Variants in KCND2 observed in about 807,000 individuals in gnomAD.
KCND2 encodes potassium voltage-gated channel subfamily D member 2.
A neutral mutation model predicts 54.4 loss-of-function variants in KCND2; 16 were observed. That is an observed-to-expected ratio of 0.29 (90% confidence interval 0.20 to 0.45). The LOEUF (loss-of-function observed/expected upper bound fraction) is 0.45. Among genes scored for constraint, KCND2 ranks in the 20% least tolerant of loss-of-function variants. The pLI is 1.00. For synonymous variants in KCND2, 317 were observed against 310.7 expected, an observed-to-expected ratio of 1.02 and a Z score of -0.21; for missense variants, 486 against 824.2, an observed-to-expected ratio of 0.59 and a Z score of 5.02.
chr7:120,417,746 G>A (rs569913747), intron 1 of KCND2, among the ~76,000 whole-genome samples: 5 of 152,164 alleles, frequency 3.3e-5, no homozygotes, highest in African/African-American at 9.7e-5. Context: ...ATCATTATGG[G>A]AAGCAGAGTG....
intron 1 of KCND2, among the ~76,000 whole-genome samples, chr7:120,464,253 C>T (rs1043822790): frequency 6.6e-6 from 1 of 151,326 alleles, no homozygotes; most frequent in Non-Finnish European, 1.5e-5. Flanking sequence ...CCTACATTTC[C>T]AGAGATCCAA....
At chr7:120,723,565 T>C (rs990673712) in intron 1 of KCND2, among the ~76,000 whole-genome samples, 3 of 152,148 alleles carry the variant, frequency 2.0e-5, no homozygotes, top group African/African-American at 7.2e-5. Flanking sequence ...TTTAAAATGA[T>C]GGCCAAGCTG....
intron 4 of KCND2, among the ~76,000 whole-genome samples, chr7:120,744,139 G>A (rs963440403): frequency 2.6e-5 from 4 of 152,062 alleles, no homozygotes; most frequent in Admixed American, 2.6e-4. Context: ...GCGGGAGCCT[G>A]TATTCCCAGC....
intron 1 of KCND2, among the ~76,000 whole-genome samples, chr7:120,384,558 T>C (rs922681184): frequency 6.6e-6 from 1 of 152,146 alleles, no homozygotes; most frequent in Non-Finnish European, 1.5e-5. Flanking sequence ...GCACATTGCA[T>C]ATACATGAAA....
intron 1 of KCND2, among the ~76,000 whole-genome samples, chr7:120,705,104 A>G (rs1792450011): frequency 6.6e-6 from 1 of 152,148 alleles, no homozygotes; most frequent in Admixed American, 6.6e-5. Flanking sequence ...CAAGCACAAT[A>G]GTATTAGGCT....
intron 1 of KCND2, among the ~76,000 whole-genome samples, chr7:120,720,666 A>G (rs568098962): frequency 3.9e-5 from 6 of 152,264 alleles, no homozygotes; most frequent in Admixed American, 6.5e-5. Context: ...CTGCGTTGAA[A>G]GACTGTTGAA....
intron 1 of KCND2, among the ~76,000 whole-genome samples, chr7:120,407,218 A>G (rs1411511763): frequency 1.3e-5 from 2 of 152,020 alleles, no homozygotes; most frequent in African/African-American, 2.4e-5. Flanking sequence ...AGATGTGTAC[A>G]TAGAACAAAA....
intron 1 of KCND2, among the ~76,000 whole-genome samples, chr7:120,696,909 A>G (rs778934711): frequency 6.6e-6 from 1 of 152,218 alleles, no homozygotes; most frequent in Non-Finnish European, 1.5e-5. Flanking sequence ...ATAGATTAAA[A>G]CAGTCAGTAA....
chr7:120,391,739 G>A (rs540487016), intron 1 of KCND2, among the ~76,000 whole-genome samples: 20 of 151,664 alleles, frequency 1.3e-4, no homozygotes, highest in South Asian at 1.0e-3. Context: ...TGTTCATATC[G>A]TTTGCCCACT....
At chr7:120,714,274 TG>T (rs1460804129) in intron 1 of KCND2, among the ~76,000 whole-genome samples, 2 of 151,840 alleles carry the variant, frequency 1.3e-5, no homozygotes, top group Non-Finnish European at 2.9e-5. Flanking sequence ...CAGCTAAAGT[TG>T]GTGAGATAAA....
intron 1 of KCND2, among the ~76,000 whole-genome samples, chr7:120,321,897 ATGCTAAAATACATAAAATATGT>A (rs1337101282): frequency 1.3e-5 from 2 of 152,126 alleles, no homozygotes; most frequent in Admixed American, 1.3e-4. Context: ...CATTCGGAAG[ATGCTAAAATACATAAAATATGT>A]TCCAAGTGCA....
At chr7:120,575,267 A>C (rs1378102378) in intron 1 of KCND2, among the ~76,000 whole-genome samples, 1 of 152,210 alleles carries the variant, frequency 6.6e-6, no homozygotes, top group Non-Finnish European at 1.5e-5. Context: ...TGCAGCCTTC[A>C]GTCTATGGTC....
intron 1 of KCND2, among the ~76,000 whole-genome samples, chr7:120,588,115 A>G (rs1442468024): frequency 1.3e-5 from 2 of 152,296 alleles, no homozygotes; most frequent in African/African-American, 4.8e-5. Context: ...TTTTACAGAT[A>G]TAATTCGTAG....
At chr7:120,551,036 T>A (rs1451843451) in intron 1 of KCND2, among the ~76,000 whole-genome samples, 1 of 152,200 alleles carries the variant, frequency 6.6e-6, no homozygotes, top group African/African-American at 2.4e-5. Context: ...ACCAACCAAT[T>A]GGCATTAAAG....
At chr7:120,455,067 A>T (rs1272225595) in intron 1 of KCND2, among the ~76,000 whole-genome samples, 1 of 152,196 alleles carries the variant, frequency 6.6e-6, no homozygotes, top group East Asian at 1.9e-4. Flanking sequence ...TTTGATGCTC[A>T]TGGATAGGAA....
In KCND2 at chr7:120,330,445, G is replaced by A. The variant is rs188739940; in HGVS notation, c.1115+54698G>A. On this transcript the variant is annotated intron_variant, in intron 1 of 5. Transcript: ENST00000331113. ...AAATACAAAAAATTAGATGGGCATG[G>A]TGGCAGGCACCTGTAATCCCAGCTA... Among the ~76,000 whole-genome samples, 782 of 151,980 alleles carry A rather than the reference G, an allele frequency of 5.1e-3. 6 individuals carry two copies. Among genetic ancestry groups the A allele is most frequent in the African/African-American group, 0.018 (728 of 41,482 alleles).
intron 1 of KCND2, among the ~76,000 whole-genome samples, chr7:120,552,265 GA>G (rs1792112813): frequency 6.6e-6 from 1 of 152,126 alleles, no homozygotes; most frequent in Non-Finnish European, 1.5e-5. Flanking sequence ...TTATTTACTG[GA>G]TGTGAAAGAG....
chr7:120,453,810 G>A (rs1802154498), intron 1 of KCND2, among the ~76,000 whole-genome samples: 1 of 152,192 alleles, frequency 6.6e-6, no homozygotes, highest in South Asian at 2.1e-4. Flanking sequence ...AAAGAGTCCA[G>A]GCACAATGGC....
At chr7:120,597,565 G>A (rs1792760900) in intron 1 of KCND2, among the ~76,000 whole-genome samples, 1 of 152,084 alleles carries the variant, frequency 6.6e-6, no homozygotes, top group Admixed American at 6.6e-5. Flanking sequence ...ATTCTGAATG[G>A]CCAATTAAAG....
Sources: allele counts gnomAD v4.1 joint callset (sites outside exome capture counted in the v4.1 genomes callset), GRCh38; gene constraint gnomAD v4.1.1; transcripts MANE v1.5; gene names NCBI Gene and HGNC (gene_info 2026-07-23, HGNC 2026-07-21).